MADD: variants seen among roughly 807,000 people sequenced by gnomAD.
The protein encoded by MADD is MAP kinase activating death domain.
Under a neutral mutation model 176.7 loss-of-function variants are expected in MADD, and 109 were observed. The observed-to-expected ratio is 0.62, with a 90% CI of 0.53 to 0.72. The LOEUF is 0.72. MADD is among the 30% of genes least tolerant of loss of function. MADD has a pLI of 0.00. For missense variants in MADD, 1,914 were observed against 2,045.5 expected (o/e 0.94, Z 1.24); for synonymous variants, 771 against 771.3 (o/e 1.00, Z 0.01).
At chr11:47,284,803 C>A in intron 12 of MADD, 138 bp from the exon 13 acceptor site, 2 of 1,309,684 alleles carry the variant, frequency 1.5e-6, no homozygotes, top group Non-Finnish European at 2.1e-6. Flanking sequence ...GGACAGAGAA[C>A]GGGTGCTACA....
In MADD at chr11:47,288,907, G is replaced by T. The variant is rs559810696; in HGVS notation, c.2654-484G>T. ...CAGATTATCTGGCTTACTGCTCCTC[G>T]GAGGGGTAGAGGGGTTGCGGTATTG... is the stretch of plus-strand genomic sequence containing the variant. On this transcript the variant is annotated intron_variant, in intron 15 of 32. Transcript: ENST00000402192. 15 of 1,198,880 alleles carry T rather than the reference G, an allele frequency of 1.3e-5. No individual in the cohort carries two copies. In the East Asian group the frequency reaches 3.5e-4, roughly 28 times the overall value. 74.3% of individuals were successfully genotyped at this position (1,198,880 alleles called of 1,614,324 possible).
rs371304369 is a variant in MADD at position 47,290,760 on chromosome 11, G to A, written c.3245G>A (p.Gly1082Asp). ...CGGGCACCAAGTGCCACAGGAAAGG[G>A]TCCTAAGGAACTGGACACCAGAAGT... The change falls in exon 19 of 33, where the codon GGT becomes GAT. Residue 1082 changes from glycine to aspartate, a missense_variant. By Grantham distance (94) the Gly-to-Asp change is moderately conservative. Coordinates refer to ENST00000402192, the Ensembl canonical transcript of MADD. 2.8e-5 allele frequency: 45 copies of A among 1,613,894 alleles called. No individual in the cohort carries two copies. Among genetic ancestry groups the A allele is most frequent in the Non-Finnish European group, 3.6e-5 (43 of 1,179,908 alleles).
chr11:47,309,084 T>C (rs201381451), intron 23 of MADD, 42 bp downstream of exon 26: 16 of 1,586,120 alleles, frequency 1.0e-5, no homozygotes, highest in Non-Finnish European at 1.3e-5. Flanking sequence ...CCCTCCTCCT[T>C]GGGAGGGACT....
chr11:47,314,005 A>C (rs1304351699), intron 26 of MADD, among the ~76,000 whole-genome samples: 1 of 151,864 alleles, frequency 6.6e-6, no homozygotes, highest in Non-Finnish European at 1.5e-5. Context: ...TGATCCGCCC[A>C]CCTCGGCCTC....
chr11:47,300,963 G>A (rs2077244644), intron 22 of MADD, among the ~76,000 whole-genome samples: 1 of 147,060 alleles, frequency 6.8e-6, no homozygotes, highest in Non-Finnish European at 1.5e-5. Flanking sequence ...TTTCTGTGAT[G>A]TCAATTGTAA....
At chr11:47,285,883 T>C (rs531841965) in intron 14 of MADD, among the ~76,000 whole-genome samples, 2 of 152,370 alleles carry the variant, frequency 1.3e-5, no homozygotes, top group Admixed American at 1.3e-4. Context: ...ACTTATATTT[T>C]GTGGAAATAC....
At chr11:47,300,218 T>C (rs1194894737) in intron 22 of MADD, among the ~76,000 whole-genome samples, 1 of 150,438 alleles carries the variant, frequency 6.6e-6, no homozygotes, top group Admixed American at 6.6e-5. Context: ...TTTTTTTTTT[T>C]TTTTTTAAGA....
chr11:47,289,591 C>T, intron 16 of MADD, 98 bp downstream of exon 17: 1 of 1,001,368 alleles, frequency 1.0e-6, no homozygotes, highest in South Asian at 1.3e-5. Context: ...GAGAAGCTCT[C>T]AATGGGGTAG....
intron 14 of MADD, 60 bp downstream of exon 14, chr11:47,285,650 G>C: frequency 6.2e-7 from 1 of 1,604,430 alleles, no homozygotes; most frequent in South Asian, 1.1e-5. Context: ...AGCAGAGCCT[G>C]ACTATGGCAA....
At chr11:47,273,195 A>G (rs1264948373) in intron 1 of MADD, among the ~76,000 whole-genome samples, 1 of 152,204 alleles carries the variant, frequency 6.6e-6, no homozygotes, top group Non-Finnish European at 1.5e-5. Context: ...CCCTGGAGGG[A>G]TCCTGAGAGT....
At chr11:47,284,990 C>G (rs538766516) in exon 13 of MADD, 2 of 1,614,022 alleles carry the variant, frequency 1.2e-6, no homozygotes, top group Admixed American at 1.7e-5. Flanking sequence ...GTAGGCGTCT[C>G]CAAGCCCCTC....
chr11:47,284,729 C>A (rs183716294), intron 12 of MADD, among the ~76,000 whole-genome samples, 164 bp downstream of exon 12: 34 of 152,218 alleles, frequency 2.2e-4, no homozygotes, highest in Admixed American at 2.0e-3. Flanking sequence ...TACTTTTGAC[C>A]CCAAAAGGAG....
At chr11:47,324,613 T>A (rs1565582509) in intron 30 of MADD, 36 bp downstream of exon 33, 3 of 1,456,100 alleles carry the variant, frequency 2.1e-6, no homozygotes, top group Non-Finnish European at 2.9e-6. Flanking sequence ...TCCCTGTCGT[T>A]CCATCTGTAA....
At chr11:47,308,887 T>C (rs1429535519) in intron 23 of MADD, 93 bp from the exon 26 acceptor site, 10 of 1,253,996 alleles carry the variant, frequency 8.0e-6, no homozygotes, top group African/African-American at 1.5e-5. Flanking sequence ...CTGGACAAGA[T>C]TGGGTTTTGG....
At chr11:47,299,905 G>A (rs1175422675) in intron 22 of MADD, among the ~76,000 whole-genome samples, 1 of 152,090 alleles carries the variant, frequency 6.6e-6, no homozygotes, top group Non-Finnish European at 1.5e-5. Context: ...CAATTGCTTT[G>A]ATTAGCATTT....
intron 25 of MADD, among the ~76,000 whole-genome samples, chr11:47,310,615 G>C (rs181434885): frequency 4.3e-4 from 65 of 151,944 alleles, no homozygotes; most frequent in Non-Finnish European, 7.8e-4. Context: ...CCTTAGAAAG[G>C]ATGCTCAGGA....
At chr11:47,301,462 ATTTC>A (rs2077726565) in intron 22 of MADD, among the ~76,000 whole-genome samples, 1 of 151,728 alleles carries the variant, frequency 6.6e-6, no homozygotes, top group South Asian at 2.1e-4. Flanking sequence ...GATCTTGATT[ATTTC>A]TTCTAATTTT....
intron 27 of MADD, among the ~76,000 whole-genome samples, chr11:47,316,571 G>A (rs1438845563): frequency 6.6e-6 from 1 of 150,746 alleles, no homozygotes; most frequent in Non-Finnish European, 1.5e-5. Flanking sequence ...TGTATTTTTA[G>A]TAGGGATGGG....
intron 2 of MADD, 133 bp downstream of exon 2, chr11:47,274,109 C>A: frequency 1.2e-6 from 1 of 833,710 alleles, no homozygotes; most frequent in Non-Finnish European, 1.9e-6. Context: ...ATGGGAGCAT[C>A]GAAGCCAGTA....
Sources: gnomAD v4.1 joint callset for allele counts (sites outside exome capture counted in the v4.1 genomes callset) on GRCh38, gnomAD v4.1.1 for gene constraint, MANE v1.5 for transcripts, NCBI Gene and HGNC (gene_info 2026-07-23, HGNC 2026-07-21) for gene names.